TNPO3: variants seen among roughly 807,000 people sequenced by gnomAD.
TNPO3 encodes the protein transportin-3.
TNPO3 carries 65 observed loss-of-function variants against 122.8 expected under a neutral mutation model. The observed-to-expected ratio is 0.53, with a 90% CI of 0.43 to 0.65. TNPO3 has a LOEUF of 0.65. TNPO3 is among the 30% of genes least tolerant of loss of function. The probability of loss-of-function intolerance (pLI) is 0.00; values close to 1 mark genes in which losing one functional copy is unlikely to be tolerated. For synonymous variants in TNPO3, 372 were observed against 411.2 expected, an observed-to-expected ratio of 0.90 and a Z score of 1.15; for missense variants, 850 against 1,136.7, an observed-to-expected ratio of 0.75 and a Z score of 3.63.
At chr7:128,985,355 G>A (rs1800034929) in intron 12 of TNPO3, among the ~76,000 whole-genome samples, 1 of 152,184 alleles carries the variant, frequency 6.6e-6, no homozygotes, top group Non-Finnish European at 1.5e-5. Context: ...AGCACTTTGG[G>A]AGGCCAAGGC....
chr7:129,043,992 T>C (rs1807716211), intron 1 of TNPO3, among the ~76,000 whole-genome samples: 1 of 152,248 alleles, frequency 6.6e-6, no homozygotes, highest in Admixed American at 6.5e-5. Flanking sequence ...ATGAGAATTC[T>C]ATTGTACATA....
chr7:128,976,766 T>C (rs1243587151), intron 16 of TNPO3, among the ~76,000 whole-genome samples: 1 of 152,248 alleles, frequency 6.6e-6, no homozygotes, highest in East Asian at 1.9e-4. Context: ...ATTACATAAA[T>C]TCAACTCTAT....
chr7:129,039,863 G>C (rs1449141723), intron 1 of TNPO3, among the ~76,000 whole-genome samples: 2 of 152,178 alleles, frequency 1.3e-5, no homozygotes, highest in African/African-American at 2.4e-5. Flanking sequence ...GAAATATCCA[G>C]AATAGGCAAA....
In TNPO3 at chr7:129,000,541, G is replaced by C; in HGVS notation, c.899C>G (p.Thr300Ser). Residue 300 changes from threonine to serine, a missense_variant, in exon 7 of 23, where the codon ACT becomes AGT. Coordinates refer to ENST00000265388, the MANE Select transcript of TNPO3 (RefSeq NM_012470.4). ...TTCAAGAAAAGTTTCACATAGTTCAGTGAAAATACGGCAGTAATTCAGAAC... is the reference window on the plus strand; with the variant it reads ...TTCAAGAAAAGTTTCACATAGTTCACTGAAAATACGGCAGTAATTCAGAAC... ...DKVLNYCRIF[T>S]ELCETFLEKI... 6.2e-7 allele frequency: 1 copy of C among 1,614,000 alleles called. No individual in the cohort carries two copies. The highest frequency in any genetic ancestry group is 8.5e-7 in the Non-Finnish European group (1 of 1,179,944).
intron 21 of TNPO3, among the ~76,000 whole-genome samples, chr7:128,961,668 C>T (rs956921572): frequency 3.9e-5 from 6 of 152,290 alleles, no homozygotes; most frequent in Non-Finnish European, 4.4e-5. Context: ...CCCCAAATTC[C>T]TATCCTTCCA....
chr7:129,035,677 C>A lies in TNPO3; in HGVS notation c.121-17520G>T, dbSNP rs118097485. The stretch of plus-strand genomic sequence containing the variant: ...GAAAGAAACAGACAATACAAAGTAA[C>A]CATTATCTAGATAATGAATTATCAA... On this transcript the variant is annotated intron_variant, in intron 1 of 22. Transcript: ENST00000265388. 2.3e-3 allele frequency among the ~76,000 whole-genome samples: 348 copies of A among 152,062 alleles called. 10 individuals carry two copies. In the East Asian group the frequency reaches 0.057, roughly 25 times the overall value.
chr7:128,992,807 G>A (rs1265867568), intron 9 of TNPO3, among the ~76,000 whole-genome samples: 1 of 150,340 alleles, frequency 6.7e-6, no homozygotes, highest in Non-Finnish European at 1.5e-5. Flanking sequence ...CTTTTTTTTG[G>A]CAAAAAATAT....
In TNPO3 at chr7:129,054,801, T is replaced by C; in HGVS notation, c.-31A>G. 6.2e-7 allele frequency: 1 copy of C among 1,613,620 alleles called. No homozygotes were observed. Among genetic ancestry groups the C allele is most frequent in the Non-Finnish European group, 8.5e-7 (1 of 1,179,848 alleles). On this transcript the variant is annotated 5_prime_UTR_variant, in exon 1 of 23. Coordinates refer to ENST00000265388, the MANE Select transcript of TNPO3 (RefSeq NM_012470.4). Reference sequence around the variant, plus strand: ...TGGCGGTAGTGGCGGTAGCGACGGCTCTGATTCTTCTCCGGAGGATTCCTC... The same window carrying C: ...TGGCGGTAGTGGCGGTAGCGACGGCCCTGATTCTTCTCCGGAGGATTCCTC...
Position 128,974,877 on chromosome 7 carries a change from A to G in TNPO3, c.2264T>C (p.Leu755Pro). ...CTTCAGAAGGATTTACCTGGTGGCT[A>G]GCCGGAACAGGTCATCTACAGTGTC... The part of the protein sequence containing the change: ...HPDTVDDLFR[L>P]ATRFIQRSPV... The change falls in exon 18 of 23, where the codon CTA becomes CCA. Residue 755 changes from leucine (L) to proline (P), a missense_variant. By Grantham distance (98) the Leu-to-Pro change is moderately conservative (BLOSUM62 -3). Transcript: ENST00000265388. The G allele has an allele frequency of 6.2e-7, 1 of 1,613,982 alleles. No homozygotes were observed. The highest frequency in any genetic ancestry group is 8.5e-7 in the Non-Finnish European group (1 of 1,179,822).
At chr7:129,051,935 C>T (rs1034659885) in intron 1 of TNPO3, among the ~76,000 whole-genome samples, 9 of 152,202 alleles carry the variant, frequency 5.9e-5, no homozygotes, top group African/African-American at 1.9e-4. Context: ...TGAGCCACTG[C>T]ACGCCCAGCC....
At position 129,019,552 on chromosome 7, in the gene TNPO3, A is replaced by T. The variant is rs547068934; in HGVS notation, c.121-1395T>A. Among the ~76,000 whole-genome samples, 4 of 152,342 alleles carry T rather than the reference A, an allele frequency of 2.6e-5. No homozygotes were observed. The East Asian group carries it at 7.7e-4, about 29-fold the overall frequency. On this transcript the variant is annotated intron_variant, in intron 1 of 22. Transcript: ENST00000265388. The stretch of plus-strand genomic sequence containing the variant: ...ATTTCCTAATTACAGATTTACTGAC[A>T]TAAAACTTAGCTTTAGGCTGGGCGT...
chr7:128,988,519 G>A (rs1290297063), intron 11 of TNPO3, among the ~76,000 whole-genome samples: 1 of 152,182 alleles, frequency 6.6e-6, no homozygotes, highest in Non-Finnish European at 1.5e-5. Flanking sequence ...ACTATTCTGA[G>A]TATGAACATA....
In TNPO3 at chr7:128,997,500, C is replaced by G; in HGVS notation, c.1047G>C (p.Leu349=). ...VEISFNFWYR[L]GEHLYKTNDE... is the part of the protein sequence containing the mutation. ...CGTTAGTTTTGTACAAATGTTCCCC[C>G]AGTCGGTACCAAAAGTTAAATGAAA... Residue 349 remains leucine (L), a synonymous_variant, in exon 8 of 23, where the codon CTG becomes CTC. Transcript: ENST00000265388. 1.9e-6 allele frequency: 3 copies of G among 1,613,968 alleles called. No individual in the cohort carries two copies. The highest frequency in any genetic ancestry group is 8.5e-7 in the Non-Finnish European group (1 of 1,179,880).
At chr7:129,013,320 A>C (rs1265910172) in intron 4 of TNPO3, among the ~76,000 whole-genome samples, 1 of 152,192 alleles carries the variant, frequency 6.6e-6, no homozygotes, top group Non-Finnish European at 1.5e-5. Flanking sequence ...CTGCACAGCA[A>C]AAGAAACAAT....
chr7:129,014,864 G>C (rs186202752), intron 4 of TNPO3, 115 bp downstream of exon 4: 2 of 995,182 alleles, frequency 2.0e-6, no homozygotes, highest in East Asian at 2.7e-5. Flanking sequence ...AAATACCAAA[G>C]CATCATCATT....
At chr7:129,010,116 A>G (rs1042110224) in intron 4 of TNPO3, among the ~76,000 whole-genome samples, 7 of 152,236 alleles carry the variant, frequency 4.6e-5, no homozygotes, top group African/African-American at 1.7e-4. Flanking sequence ...ATGCCAACTT[A>G]TATGTACAAG....
intron 4 of TNPO3, among the ~76,000 whole-genome samples, chr7:129,014,679 A>G (rs1803629202): frequency 6.6e-6 from 1 of 152,238 alleles, no homozygotes; most frequent in African/African-American, 2.4e-5. Flanking sequence ...ATTAAGCAGT[A>G]GAAGAGCACA....
chr7:129,044,892 C>T (rs1202131122), intron 1 of TNPO3, among the ~76,000 whole-genome samples: 1 of 152,090 alleles, frequency 6.6e-6, no homozygotes, highest in African/African-American at 2.4e-5. Flanking sequence ...GCAGGTACTC[C>T]CACAAGTATT....
intron 1 of TNPO3, among the ~76,000 whole-genome samples, chr7:129,042,068 T>C (rs949996806): frequency 6.6e-6 from 1 of 152,156 alleles, no homozygotes; most frequent in African/African-American, 2.4e-5. Context: ...AAGGACTCAT[T>C]AGCTGCCAAG....
Sources: gnomAD v4.1 joint callset for allele counts (sites outside exome capture counted in the v4.1 genomes callset) on GRCh38, gnomAD v4.1.1 for gene constraint, MANE v1.5 for transcripts, NCBI Gene and HGNC (gene_info 2026-07-23, HGNC 2026-07-21) for gene names.